SRL: variants seen among roughly 807,000 people sequenced by gnomAD.
The protein encoded by SRL is sarcalumenin.
SRL carries 23 observed loss-of-function variants against 39.5 expected under a neutral mutation model. That is an observed-to-expected ratio of 0.58 (90% CI 0.42 to 0.82). The LOEUF (loss-of-function observed/expected upper bound fraction) is 0.82, where lower values mean the gene tolerates loss of function less well. SRL is among the 40% of genes least tolerant of loss of function. The pLI is 0.00. For missense variants in SRL, 592 were observed against 607.8 expected (o/e 0.97, Z 0.27); for synonymous variants, 272 against 237.4 (o/e 1.15, Z -1.34).
intron 1 of SRL, among the ~76,000 whole-genome samples, chr16:4,224,518 C>G (rs1048741912): frequency 3.9e-5 from 6 of 152,018 alleles, no homozygotes; most frequent in African/African-American, 1.5e-4. Flanking sequence ...CCAACCTGGG[C>G]AACAGGGTGA....
chr16:4,228,393 A>G (rs1013401379), intron 1 of SRL, among the ~76,000 whole-genome samples: 2 of 151,478 alleles, frequency 1.3e-5, no homozygotes, highest in Non-Finnish European at 2.9e-5. Flanking sequence ...CCGAGATTGC[A>G]CCACTGCACT....
intron 1 of SRL, among the ~76,000 whole-genome samples, chr16:4,205,551 C>T (rs1365429593): frequency 7.4e-6 from 1 of 135,756 alleles, no homozygotes; most frequent in Non-Finnish European, 1.6e-5. Context: ...TCAGAGAAGG[C>T]CTCCCCAGGT....
intron 1 of SRL, among the ~76,000 whole-genome samples, chr16:4,232,083 C>A (rs546566957): frequency 1.6e-4 from 24 of 152,156 alleles, no homozygotes; most frequent in Non-Finnish European, 2.9e-4. Flanking sequence ...CCCAGGCCAG[C>A]CGCTCTGCCT....
chr16:4,241,210 G>C (rs1407177766), intron 1 of SRL, among the ~76,000 whole-genome samples: 4 of 152,082 alleles, frequency 2.6e-5, no homozygotes, highest in Admixed American at 2.0e-4. Context: ...TTCCCTCGGG[G>C]AACCTGGCCT....
intron 1 of SRL, among the ~76,000 whole-genome samples, chr16:4,219,523 G>A (rs999809347): frequency 1.3e-5 from 2 of 152,106 alleles, no homozygotes; most frequent in East Asian, 1.9e-4. Context: ...GCGCGATATC[G>A]GCTCACTGCA....
At chr16:4,241,412 T>G (rs2052770777) in intron 1 of SRL, among the ~76,000 whole-genome samples, 1 of 152,172 alleles carries the variant, frequency 6.6e-6, no homozygotes. Context: ...GAGGCTCTAC[T>G]CCAGAACGGG....
chr16:4,214,218 C>G (rs559902998), intron 1 of SRL, among the ~76,000 whole-genome samples: 2 of 152,156 alleles, frequency 1.3e-5, no homozygotes, highest in African/African-American at 2.4e-5. Flanking sequence ...TCAGTGCCTT[C>G]GTGCAATCAA....
intron 1 of SRL, chr16:4,206,931 C>A: frequency 2.2e-6 from 1 of 456,184 alleles, no homozygotes; most frequent in Non-Finnish European, 4.4e-6. Flanking sequence ...CTGGGGCTCC[C>A]TGGCTTCCTG....
Position 4,241,173 on chromosome 16 carries a change from G to T in SRL, c.61+834C>A, listed in dbSNP as rs904562244. Among the ~76,000 whole-genome samples the T allele has an allele frequency of 3.3e-5, 5 of 152,120 alleles. No homozygotes were observed. In the East Asian group the frequency reaches 5.8e-4, roughly 18 times the overall value. ...CGGTGGGCAGTCCGGATCCTAGGGGGATCCCCGGAGCACCTCCCTAAAAGC... is the reference window on the plus strand; with the variant it reads ...CGGTGGGCAGTCCGGATCCTAGGGGTATCCCCGGAGCACCTCCCTAAAAGC... On this transcript the variant is annotated intron_variant, in intron 1 of 5. Transcript: ENST00000399609.
chr16:4,224,790 T>G (rs2052569093), intron 1 of SRL, among the ~76,000 whole-genome samples: 1 of 151,386 alleles, frequency 6.6e-6, no homozygotes, highest in South Asian at 2.1e-4. Flanking sequence ...AACTGTACAC[T>G]GATGTTTATG....
intron 1 of SRL, among the ~76,000 whole-genome samples, chr16:4,228,213 T>C (rs1167740527): frequency 2.5e-5 from 3 of 119,728 alleles, no homozygotes; most frequent in African/African-American, 7.7e-5. Flanking sequence ...CTGAGGCAGG[T>C]GGATCACGAG....
In SRL at chr16:4,192,939, C is replaced by G; in HGVS notation, c.636G>C (p.Gln212His). Residue 212 changes from glutamine (Q) to histidine (H), a missense_variant, in exon 6 of 6, where the codon CAG (glutamine) becomes CAC (histidine). Gln to His is a conservative substitution (Grantham distance 24). Coordinates refer to ENST00000399609, the MANE Select transcript of SRL (RefSeq NM_001098814.2). The surrounding 1 kb of genome is among the most constrained non-coding windows in gnomAD (Gnocchi z 4.0). The stretch of plus-strand genomic sequence containing the variant: ...TGAGGTCAGCTCTGTCGATGAACCA[C>G]TGGCACACGTCGTTGAAGGGGTAGC... Reference protein sequence around the residue: ...ERGYPFNDVCQWFIDRADLIF... With the variant: ...ERGYPFNDVCHWFIDRADLIF... 1 of 1,612,550 alleles carries G rather than the reference C, an allele frequency of 6.2e-7. No individual in the cohort carries two copies. Among genetic ancestry groups the G allele is most frequent in the South Asian group, 1.1e-5 (1 of 91,070 alleles).
intron 1 of SRL, among the ~76,000 whole-genome samples, chr16:4,237,224 G>A (rs938912431): frequency 5.9e-5 from 9 of 152,128 alleles, no homozygotes; most frequent in Non-Finnish European, 1.2e-4. Context: ...TTACAGGTGT[G>A]AGCCACTTCA....
intron 1 of SRL, among the ~76,000 whole-genome samples, chr16:4,231,061 T>C (rs1284434119): frequency 1.3e-5 from 2 of 152,084 alleles, no homozygotes; most frequent in African/African-American, 4.8e-5. Context: ...CTCACACCTG[T>C]AATCCCAGCA....
intron 1 of SRL, among the ~76,000 whole-genome samples, chr16:4,226,777 A>G (rs1419634751): frequency 6.6e-6 from 1 of 150,506 alleles, no homozygotes; most frequent in Non-Finnish European, 1.5e-5. Flanking sequence ...TGAATGATAG[A>G]TGAATGGGTG....
intron 5 of SRL, 111 bp downstream of exon 5, chr16:4,195,442 C>T (rs2052123411): frequency 9.3e-7 from 1 of 1,075,198 alleles, no homozygotes; most frequent in South Asian, 1.5e-5. Context: ...AAGGGATCCT[C>T]CTGTCTTGGT....
intron 3 of SRL, among the ~76,000 whole-genome samples, chr16:4,198,334 T>G (rs2052176920): frequency 6.6e-6 from 1 of 152,220 alleles, no homozygotes; most frequent in South Asian, 2.1e-4. Flanking sequence ...TTGGGTGGTC[T>G]GGACTCAGAC....
At chr16:4,194,322 C>T (rs1013584142) in intron 5 of SRL, among the ~76,000 whole-genome samples, 1 of 152,244 alleles carries the variant, frequency 6.6e-6, no homozygotes, top group African/African-American at 2.4e-5. Context: ...CCCATCTCCC[C>T]TTCCCCCCAG....
chr16:4,199,537 A>G (rs2052194540), intron 3 of SRL, among the ~76,000 whole-genome samples: 1 of 151,090 alleles, frequency 6.6e-6, no homozygotes, highest in African/African-American at 2.4e-5. Context: ...AGCCCAGCTC[A>G]TTTTTGTATT....
Sources: allele counts gnomAD v4.1 joint callset (sites outside exome capture counted in the v4.1 genomes callset), GRCh38; gene constraint gnomAD v4.1.1; non-coding constraint Gnocchi (gnomAD v3.1); transcripts MANE v1.5; gene names NCBI Gene and HGNC (gene_info 2026-07-23, HGNC 2026-07-21).